SNAPC4: variants seen among roughly 807,000 people sequenced by gnomAD.
SNAPC4 encodes snRNA-activating protein complex subunit 4.
Under a neutral mutation model 151.3 loss-of-function variants are expected in SNAPC4, and 127 were observed. That is an observed-to-expected ratio of 0.84 (90% CI 0.73 to 0.97). The LOEUF is 0.97. SNAPC4 is among the 50% of genes least tolerant of loss of function. The pLI is 0.00. For synonymous variants in SNAPC4, 1,002 were observed against 824.4 expected, an observed-to-expected ratio of 1.22 and a Z score of -3.69; for missense variants, 2,186 against 1,935.0, an observed-to-expected ratio of 1.13 and a Z score of -2.43.
At position 136,378,988 on chromosome 9, in the gene SNAPC4, C is replaced by T. The variant is rs574290344; in HGVS notation, c.2839G>A (p.Val947Ile). 2.2e-5 allele frequency: 36 copies of T among 1,607,446 alleles called. No individual in the cohort carries two copies. The highest frequency in any genetic ancestry group is 5.3e-5 in the African/African-American group (4 of 75,032). Reference sequence around the variant, plus strand: ...GGCCCAGAGAGCGGTACATTTAAGACGGTGGGACCCGGGGCTGGGCGGCCG... The same window carrying T: ...GGCCCAGAGAGCGGTACATTTAAGATGGTGGGACCCGGGGCTGGGCGGCCG... ...PHGRPAPGPT[V>I]LNVPLSGPGA... Residue 947 changes from valine to isoleucine, a missense_variant, in exon 22 of 24, where the codon GTC (valine) becomes ATC (isoleucine). Val to Ile is a conservative substitution (Grantham distance 29). Coordinates refer to ENST00000684778, the MANE Select transcript of SNAPC4 (RefSeq NM_003086.4).
At position 136,377,695 on chromosome 9, in the gene SNAPC4, G is replaced by C. The variant is rs574868826; in HGVS notation, c.4132C>G (p.Leu1378Val). ...ACGCCTTGGGGGGCCAGGGTGGCCA[G>C]GAGCGCAGGGAGGGTGAAGGCTGCC... ...FLAAFTLPAL[L>V]ATLAPQGVRT... Residue 1378 changes from leucine (L) to valine (V), a missense_variant, in exon 22 of 24, where the codon CTG becomes GTG. Physicochemically the swap from Leu to Val is conservative, Grantham distance 32 (BLOSUM62 1). Transcript: ENST00000684778. 3 of 1,608,430 alleles carry C rather than the reference G, an allele frequency of 1.9e-6. No individual in the cohort carries two copies. The highest frequency in any genetic ancestry group is 2.5e-6 in the Non-Finnish European group (3 of 1,177,078).
chr9:136,399,182 A>G (rs949895092), intron 1 of SNAPC4, among the ~76,000 whole-genome samples: 3 of 152,228 alleles, frequency 2.0e-5, no homozygotes, highest in Admixed American at 1.3e-4. Context: ...CCGGGAGCCC[A>G]AAACACCCAA....
rs543253746 is a variant in SNAPC4 at position 136,378,036 on chromosome 9, G to A, written c.3791C>T (p.Pro1264Leu). Reference sequence around the variant, plus strand: ...GCCCAGGTCCAGGGCCCCCTTCTCAGGCCCAGGCTGGGGTAGGGGCGGCTT... The same window carrying A: ...GCCCAGGTCCAGGGCCCCCTTCTCAAGCCCAGGCTGGGGTAGGGGCGGCTT... Reference protein sequence around the residue: ...LEKPPLPQPGPEKGALDLGLL... With the variant: ...LEKPPLPQPGLEKGALDLGLL... The change falls in exon 22 of 24, where the codon CCT becomes CTT. Residue 1264 changes from proline (P) to leucine (L), a missense_variant. Transcript: ENST00000684778. 4.4e-5 allele frequency: 70 copies of A among 1,586,706 alleles called. 1 individual carries two copies. The South Asian group carries it at 7.0e-4, about 16-fold the overall frequency.
Position 136,395,311 on chromosome 9 carries a change from T to C in SNAPC4, c.458A>G (p.Lys153Arg), listed in dbSNP as rs1834226573. 1 of 1,613,518 alleles carries C rather than the reference T, an allele frequency of 6.2e-7. No homozygotes were observed. Among genetic ancestry groups the C allele is most frequent in the Non-Finnish European group, 8.5e-7 (1 of 1,179,922 alleles). The change falls in exon 5 of 24, where the codon AAG becomes AGG. Residue 153 changes from lysine (K) to arginine (R), a missense_variant. Transcript: ENST00000684778. Reference protein sequence around the residue: ...GHFMKPYFKDKVTGVGPPANE... With the variant: ...GHFMKPYFKDRVTGVGPPANE... ...TCGGCCACTCACCACGCCCGTGACCTTGTCCTTGAAATACGGCTTCATGAA... is the reference window on the plus strand; with the variant it reads ...TCGGCCACTCACCACGCCCGTGACCCTGTCCTTGAAATACGGCTTCATGAA...
Position 136,378,802 on chromosome 9 carries a change from G to C in SNAPC4, c.3025C>G (p.Leu1009Val), listed in dbSNP as rs772139761. Reference sequence around the variant, plus strand: ...CTCACAGAGATCTGGCCGGGGCCCAGGGCAGGGGCTTGGGAAGCAGCAGGG... The same window carrying C: ...CTCACAGAGATCTGGCCGGGGCCCACGGCAGGGGCTTGGGAAGCAGCAGGG... ...TAPAASQAPA[L>V]GPGQISVSCP... is the part of the protein sequence containing the mutation. Residue 1009 changes from leucine (L) to valine (V), a missense_variant, in exon 22 of 24, where the codon CTG (leucine) becomes GTG (valine). By Grantham distance (32) the Leu-to-Val change is conservative. Transcript: ENST00000684778. The C allele has an allele frequency of 1.3e-6, 2 of 1,580,780 alleles. No homozygotes were observed. The highest frequency in any genetic ancestry group is 8.6e-7 in the Non-Finnish European group (1 of 1,162,812).
In SNAPC4 at chr9:136,376,369, C is replaced by T. The variant is rs1263961865; in HGVS notation, c.4397G>A (p.Arg1466Lys). The T allele has an allele frequency of 2.5e-6, 4 of 1,613,262 alleles. No individual in the cohort carries two copies. Among genetic ancestry groups the T allele is most frequent in the East Asian group, 2.2e-5 (1 of 44,890 alleles). Residue 1466 changes from arginine to lysine, a missense_variant, in exon 23 of 24, where the codon AGG (arginine) becomes AAG (lysine). Arg to Lys is a conservative substitution (Grantham distance 26, BLOSUM62 2). Coordinates refer to ENST00000684778, the MANE Select transcript of SNAPC4 (RefSeq NM_003086.4). ...CTCACCTGCTGCTCACACCAGCCGC[C>T]TCCGCTTCCGGGTGTGCCTGGCATG... is the stretch of plus-strand genomic sequence containing the variant. ...TRHARHTRKR[R>K]RLV
chr9:136,383,133 C>T lies in SNAPC4; in HGVS notation c.1983+53G>A, dbSNP rs773160338. 2.5e-5 allele frequency: 37 copies of T among 1,505,208 alleles called. No individual in the cohort carries two copies. The highest frequency in any genetic ancestry group is 2.0e-4 in the Middle Eastern group (1 of 4,888). 93.2% of individuals were successfully genotyped at this position (1,505,208 alleles called of 1,614,324 possible). A position where few individuals can be genotyped will look rare whatever the true frequency, so the allele number is the denominator to read the frequency against. ...CACTATCCCCAAGCGTCAGCCCTGG[C>T]GAGCGAGTGCCGAAAGTGCACTTCC... On this transcript the variant is annotated intron_variant, in intron 16 of 23. Transcript: ENST00000684778. The surrounding 1 kb of genome is among the most constrained non-coding windows in gnomAD (Gnocchi z 4.2).
rs1833730104 is a variant in SNAPC4 at position 136,382,354 on chromosome 9, T to G, written c.1984-18A>C. On this transcript the variant is annotated intron_variant, in intron 16 of 23. Transcript: ENST00000684778. ...CTCCCACCCTGATGAGAAAGCTGCC[T>G]GAGGCGAGGCACGCGGGGTGTACGG... 1.9e-6 allele frequency: 3 copies of G among 1,611,380 alleles called. No individual in the cohort carries two copies. The highest frequency in any genetic ancestry group is 2.2e-5 in the East Asian group (1 of 44,878).
chr9:136,394,966 T>G, intron 5 of SNAPC4, 88 bp from the exon 6 acceptor site: 5 of 1,213,544 alleles, frequency 4.1e-6, no homozygotes, highest in African/African-American at 1.5e-5. Context: ...ACAAAAGGAC[T>G]CGGGCTCCCC....
In SNAPC4 at chr9:136,378,326, C is replaced by T. The variant is rs75546869; in HGVS notation, c.3501G>A (p.Ala1167=). Residue 1167 remains alanine (A), a synonymous_variant, in exon 22 of 24, where the codon GCG becomes GCA. Transcript: ENST00000684778. ...CAGGGACAAAGGCCACACTGCCATC[C>T]GCTTCTGCAGGACTTTGGGAGAGGG... ...THALSQSPAE[A]DGSVAFVPGE... is the part of the protein sequence containing the mutation. 6.5e-5 allele frequency: 105 copies of T among 1,605,042 alleles called. No individual in the cohort carries two copies. Among genetic ancestry groups the T allele is most frequent in the Middle Eastern group, 5.0e-4 (3 of 6,042 alleles).
At chr9:136,379,322 C>T (rs781518094) in intron 21 of SNAPC4, 23 bp from the exon 22 acceptor site, 1 of 1,611,560 alleles carries the variant, frequency 6.2e-7, no homozygotes, top group Non-Finnish European at 8.5e-7. Context: ...AAGACCCACA[C>T]TTGATAAGCC....
intron 5 of SNAPC4, 79 bp from the exon 6 acceptor site, chr9:136,394,957 C>T (rs1423502549): frequency 6.1e-6 from 8 of 1,311,800 alleles, no homozygotes; most frequent in Non-Finnish European, 8.6e-6. Flanking sequence ...CCAGAGCCCA[C>T]AAAAGGACTC....
chr9:136,391,007 T>G (rs1392105520), intron 10 of SNAPC4, among the ~76,000 whole-genome samples: 1 of 152,116 alleles, frequency 6.6e-6, no homozygotes, highest in Non-Finnish European at 1.5e-5. Context: ...GCTAATTTTG[T>G]ATTTTTAGTA....
At chr9:136,379,782 C>T in intron 21 of SNAPC4, 55 bp downstream of exon 21, 1 of 1,568,662 alleles carries the variant, frequency 6.4e-7, no homozygotes, top group Admixed American at 1.7e-5. Flanking sequence ...TAGGCCTCTT[C>T]CCCGCCAGGG....
intron 1 of SNAPC4, 40 bp downstream of exon 1, chr9:136,400,094 C>G (rs1245709389): frequency 2.0e-5 from 3 of 152,092 alleles, no homozygotes; most frequent in Admixed American, 2.0e-4. Flanking sequence ...CTGAAGCTGC[C>G]GACGCCACCC....
rs541307238 is a variant in SNAPC4 at position 136,393,299 on chromosome 9, GC to G, written c.633-523del. 2.7e-3 allele frequency among the ~76,000 whole-genome samples: 410 copies of G among 152,344 alleles called. 1 individual carries two copies. Among genetic ancestry groups the G allele is most frequent in the African/African-American group, 9.4e-3 (390 of 41,584 alleles). On this transcript the variant is annotated intron_variant, in intron 7 of 23. Transcript: ENST00000684778. ...ACCCGGGACCCCTGGCATGGCCAAA[GC>G]CCTCTCAGTGCCCAGAGATGCCCTG... is the stretch of plus-strand genomic sequence containing the variant.
Position 136,394,800 on chromosome 9 carries a change from A to G in SNAPC4, c.550T>C (p.Trp184Arg), listed in dbSNP as rs759149252. ...CCGCAGGGCCGGCCAGGGCTCTTAC[A>G]TTTGGTCACAAGGAGCTCCTCGAAA... Reference protein sequence around the residue: ...KAFEELLVTKWKNWEKALLRK... With the variant: ...KAFEELLVTKRKNWEKALLRK... Residue 184 changes from tryptophan (W) to arginine (R), a missense_variant and splice_region_variant, in exon 6 of 24, where the codon TGG becomes CGG. By Grantham distance (101) the Trp-to-Arg change is moderately radical. Coordinates refer to ENST00000684778, the MANE Select transcript of SNAPC4 (RefSeq NM_003086.4). The G allele has an allele frequency of 2.5e-6, 4 of 1,613,658 alleles. No individual in the cohort carries two copies. Among genetic ancestry groups the G allele is most frequent in the Non-Finnish European group, 3.4e-6 (4 of 1,179,826 alleles).
In SNAPC4 at chr9:136,394,450, G is replaced by T. The variant is rs569964825; in HGVS notation, c.551-120C>A. On this transcript the variant is annotated intron_variant, in intron 6 of 23. Transcript: ENST00000684778. ...GGGCCCCACAGCGAGTAAGCAGCAC[G>T]CCAGACCTACTGACGTGGCCCCTCC... 11 of 839,060 alleles carry T rather than the reference G, an allele frequency of 1.3e-5. 1 individual carries two copies. The highest frequency in any genetic ancestry group is 8.2e-5 in the South Asian group (6 of 73,486). 52.0% of individuals were successfully genotyped at this position (839,060 alleles called of 1,614,324 possible).
At chr9:136,379,548 G>A (rs549181942) in intron 21 of SNAPC4, among the ~76,000 whole-genome samples, 2 of 152,338 alleles carry the variant, frequency 1.3e-5, no homozygotes, top group African/African-American at 2.4e-5. Context: ...GAGATCAGCC[G>A]GCAGCCCAGC....
Sources: gnomAD v4.1 joint callset for allele counts (sites outside exome capture counted in the v4.1 genomes callset) on GRCh38, gnomAD v4.1.1 for gene constraint, Gnocchi (gnomAD v3.1) non-coding constraint, MANE v1.5 for transcripts, NCBI Gene and HGNC (gene_info 2026-07-23, HGNC 2026-07-21) for gene names.